Variants in PTPRD observed in about 807,000 individuals in gnomAD.
PTPRD encodes the protein protein tyrosine phosphatase receptor type D, also known as receptor-type tyrosine-protein phosphatase delta.
PTPRD carries 34 observed loss-of-function variants against 214.5 expected under a neutral mutation model. That is an observed-to-expected ratio of 0.16 (90% confidence interval 0.12 to 0.21). PTPRD has a LOEUF of 0.21. PTPRD is among the 10% of genes least tolerant of loss of function. The pLI, the probability that PTPRD is intolerant of heterozygous loss-of-function variation, is 1.00. For missense variants in PTPRD, 2,545 were observed against 2,398.7 expected, an observed-to-expected ratio of 1.06 and a Z score of -1.27; for synonymous variants, 1,128 against 845.7, an observed-to-expected ratio of 1.33 and a Z score of -5.79.
chr9:9,523,089 A>G (rs844166), intron 8 of PTPRD, among the ~76,000 whole-genome samples: 54,059 of 152,048 alleles, frequency 0.36, 9,940 homozygotes, highest in Middle Eastern at 0.4. Context: ...ATGCTTTCCT[A>G]CAACTGAAAA....
intron 5 of PTPRD, chr9:9,803,923 T>C (rs762197900): frequency 6.6e-6 from 1 of 152,056 alleles, no homozygotes; most frequent in African/African-American, 2.4e-5. Flanking sequence ...TGTTTAGTGT[T>C]TCACTATCTC....
At position 8,638,246 on chromosome 9, in the gene PTPRD, A is replaced by T. The variant is rs183477563; in HGVS notation, c.65-1402T>A. On this transcript the variant is annotated intron_variant, in intron 12 of 45. Transcript: ENST00000381196. ...TTGAAAACAATCCTTGGATTATAAA[A>T]AAGAAAAAAGTCATAACAAAGTTTG... 1.6e-4 allele frequency among the ~76,000 whole-genome samples: 25 copies of T among 152,280 alleles called. No homozygotes were observed. In the East Asian group the frequency reaches 4.8e-3, roughly 29 times the overall value.
At chr9:10,568,056 G>A (rs1055463064) in intron 2 of PTPRD, among the ~76,000 whole-genome samples, 32 of 151,276 alleles carry the variant, frequency 2.1e-4, no homozygotes, top group African/African-American at 6.1e-4. Context: ...ATGTTGGTGT[G>A]CTGCACCCAT....
chr9:8,650,374 A>C (rs1217289150), intron 12 of PTPRD, among the ~76,000 whole-genome samples: 1 of 152,046 alleles, frequency 6.6e-6, no homozygotes, highest in Non-Finnish European at 1.5e-5. Context: ...TACTAAAAAT[A>C]CAAAATTAGG....
At chr9:9,844,020 T>C (rs2058917959) in intron 5 of PTPRD, among the ~76,000 whole-genome samples, 1 of 152,010 alleles carries the variant, frequency 6.6e-6, no homozygotes, top group Non-Finnish European at 1.5e-5. Flanking sequence ...TCTAGTGCTG[T>C]AGTTCCAGTG....
chr9:9,192,473 C>T (rs573559648), intron 9 of PTPRD, among the ~76,000 whole-genome samples: 1 of 152,214 alleles, frequency 6.6e-6, no homozygotes, highest in East Asian at 1.9e-4. Flanking sequence ...TGTTTGAAGT[C>T]AGCCTGGTTT....
At chr9:8,740,153 G>C (rs1179882525) in intron 11 of PTPRD, among the ~76,000 whole-genome samples, 1 of 152,060 alleles carries the variant, frequency 6.6e-6, no homozygotes, top group Non-Finnish European at 1.5e-5. Flanking sequence ...AAACTACCCT[G>C]AACACGCCCA....
At chr9:10,209,558 C>T (rs2099504919) in intron 3 of PTPRD, among the ~76,000 whole-genome samples, 1 of 152,094 alleles carries the variant, frequency 6.6e-6, no homozygotes, top group Non-Finnish European at 1.5e-5. Context: ...GTAACATTGA[C>T]AGTTGATCCT....
At chr9:9,342,170 T>C (rs1246752136) in intron 9 of PTPRD, among the ~76,000 whole-genome samples, 3 of 152,208 alleles carry the variant, frequency 2.0e-5, no homozygotes, top group Non-Finnish European at 4.4e-5. Flanking sequence ...GACAATATCC[T>C]TCTTAATAAT....
chr9:8,447,826 G>C (rs892598287), intron 34 of PTPRD, among the ~76,000 whole-genome samples: 2 of 152,144 alleles, frequency 1.3e-5, no homozygotes, highest in Non-Finnish European at 2.9e-5. Context: ...AAAAACAGAG[G>C]AAGGAGGGGC....
At chr9:9,219,927 C>A (rs1286380233) in intron 9 of PTPRD, among the ~76,000 whole-genome samples, 1 of 152,174 alleles carries the variant, frequency 6.6e-6, no homozygotes, top group Non-Finnish European at 1.5e-5. Context: ...TAGCTCAATA[C>A]AATTTGCATT....
chr9:10,020,398 T>A (rs887332624), intron 4 of PTPRD, among the ~76,000 whole-genome samples: 7 of 147,510 alleles, frequency 4.7e-5, no homozygotes, highest in African/African-American at 1.8e-4. Context: ...ACTTCTCGGG[T>A]TCAAGCGATT....
intron 8 of PTPRD, among the ~76,000 whole-genome samples, chr9:9,523,877 T>G (rs1350795599): frequency 6.6e-6 from 1 of 152,156 alleles, no homozygotes; most frequent in Non-Finnish European, 1.5e-5. Context: ...GTGTCCTTTC[T>G]TTTGTAATAC....
At chr9:9,541,556 C>A (rs16929719) in intron 8 of PTPRD, among the ~76,000 whole-genome samples, 1 of 151,790 alleles carries the variant, frequency 6.6e-6, no homozygotes, top group Non-Finnish European at 1.5e-5. Context: ...GATATCTGAT[C>A]TGGTATATCA....
chr9:8,858,093 C>CCCTCCTCCT (rs773178175), intron 11 of PTPRD: 63 of 162,862 alleles, frequency 3.9e-4, no homozygotes, highest in African/African-American at 1.3e-3. Context: ...TGTCTCCTCC[C>CCCTCCTCCT]CCTCCTCCTC....
intron 35 of PTPRD, among the ~76,000 whole-genome samples, chr9:8,419,006 G>A (rs1177188850): frequency 2.0e-5 from 3 of 151,956 alleles, no homozygotes; most frequent in Non-Finnish European, 2.9e-5. Context: ...TATCACTTGA[G>A]GCAGGAGTTC....
intron 10 of PTPRD, among the ~76,000 whole-genome samples, chr9:9,070,293 T>C (rs192287566): frequency 1.3e-4 from 20 of 152,342 alleles, no homozygotes; most frequent in African/African-American, 4.8e-4. Flanking sequence ...CAGTTTTACA[T>C]AAGGCGTCTT....
At chr9:8,942,337 C>T (rs2099039181) in intron 11 of PTPRD, among the ~76,000 whole-genome samples, 2 of 152,098 alleles carry the variant, frequency 1.3e-5, no homozygotes, top group African/African-American at 4.8e-5. Flanking sequence ...CAAGTTATCA[C>T]TTTTGGCCAG....
chr9:9,930,448 C>A (rs1174435838), intron 5 of PTPRD, among the ~76,000 whole-genome samples: 2 of 152,120 alleles, frequency 1.3e-5, no homozygotes, highest in Non-Finnish European at 2.9e-5. Flanking sequence ...GACATTTTCA[C>A]ATAAAAACAA....
Sources: gnomAD v4.1 joint callset for allele counts (sites outside exome capture counted in the v4.1 genomes callset) on GRCh38, gnomAD v4.1.1 for gene constraint, MANE v1.5 for transcripts, NCBI Gene and HGNC (gene_info 2026-07-23, HGNC 2026-07-21) for gene names.